The following GRAMD1B variants were observed in gnomAD, a reference collection of about 807,000 sequenced individuals.
GRAMD1B encodes GRAM domain containing 1B.
In GRAMD1B, 37 loss-of-function variants were observed where a neutral mutation model predicts 99.7. The observed-to-expected ratio is 0.37, with a 90% CI of 0.29 to 0.49. The LOEUF is 0.49. Ranked by LOEUF, GRAMD1B falls within the 20% of genes least tolerant of loss-of-function variation. The probability of loss-of-function intolerance (pLI) is 0.98; values close to 1 mark genes in which losing one functional copy is unlikely to be tolerated. For synonymous variants in GRAMD1B, 427 were observed against 387.6 expected (o/e 1.10, Z -1.19); for missense variants, 888 against 1,009.2 (o/e 0.88, Z 1.63).
intron 2 of GRAMD1B, among the ~76,000 whole-genome samples, chr11:123,518,550 T>C (rs1234578075): frequency 6.6e-6 from 1 of 152,180 alleles, no homozygotes; most frequent in Admixed American, 6.5e-5. Flanking sequence ...GATTCTCAGA[T>C]ACGGTGTTTT....
At chr11:123,395,087 C>G (rs147248034) in intron 1 of GRAMD1B, among the ~76,000 whole-genome samples, 188 of 152,290 alleles carry the variant, frequency 1.2e-3, no homozygotes, top group African/African-American at 4.5e-3. Context: ...ATCCCCCCTA[C>G]AAGTTTATAA....
intron 1 of GRAMD1B, among the ~76,000 whole-genome samples, chr11:123,369,882 T>G (rs1946462446): frequency 6.7e-6 from 1 of 149,000 alleles, no homozygotes; most frequent in Non-Finnish European, 1.5e-5. Flanking sequence ...AGACCCTGTC[T>G]CAAAAAAAGG....
At chr11:123,524,207 A>G (rs187732278) in intron 2 of GRAMD1B, among the ~76,000 whole-genome samples, 1 of 152,288 alleles carries the variant, frequency 6.6e-6, no homozygotes, top group Admixed American at 6.5e-5. Context: ...TTGCTGAATG[A>G]CACACAGTCC....
At chr11:123,426,897 T>C (rs1948672705), upstream of GRAMD1B, among the ~76,000 whole-genome samples, 1 of 152,144 alleles carries the variant, frequency 6.6e-6, no homozygotes, top group South Asian at 2.1e-4. Context: ...TAGACAGGTG[T>C]TGGGTGTCTT....
chr11:123,363,702 A>G (rs1946225021), intron 1 of GRAMD1B, among the ~76,000 whole-genome samples: 2 of 152,054 alleles, frequency 1.3e-5, no homozygotes, highest in African/African-American at 4.8e-5. Context: ...CCCTGAGTGG[A>G]AGCCTTGCTT....
At chr11:123,455,239 T>TA (rs1950063045) in intron 1 of GRAMD1B, among the ~76,000 whole-genome samples, 1 of 152,216 alleles carries the variant, frequency 6.6e-6, no homozygotes, top group Non-Finnish European at 1.5e-5. Flanking sequence ...AGAGATTCCT[T>TA]AGGATGAACT....
chr11:123,594,837 TG>T lies in GRAMD1B; in HGVS notation c.873+1del. 6.5e-7 allele frequency: 1 copy of T among 1,543,768 alleles called. No individual in the cohort carries two copies. Among genetic ancestry groups the T allele is most frequent in the Non-Finnish European group, 9.0e-7 (1 of 1,115,880 alleles). On this transcript the variant is annotated frameshift_variant and splice_region_variant, in exon 6 of 20. Coordinates refer to ENST00000635736, the MANE Select transcript of GRAMD1B (RefSeq NM_001387025.1). LOFTEE classifies it high-confidence loss of function. ...AGCAACATCTTCCGCTGGGAAACTC[TG>T]GTAAAGACCTGGGCATGCTCCCTTG... The part of the protein sequence containing the change: ...FYSNIFRWET[L>X]LTVRLKDICS...
At chr11:123,438,428 C>T (rs752429934) in intron 1 of GRAMD1B, among the ~76,000 whole-genome samples, 3 of 151,990 alleles carry the variant, frequency 2.0e-5, no homozygotes, top group Non-Finnish European at 4.4e-5. Flanking sequence ...GGAATGTGGA[C>T]AGTCGGGAGG....
At chr11:123,540,544 A>T (rs2135695139) in intron 2 of GRAMD1B, among the ~76,000 whole-genome samples, 1 of 152,310 alleles carries the variant, frequency 6.6e-6, no homozygotes, top group South Asian at 2.1e-4. Context: ...TTAGTAAATT[A>T]GAATTAACTA....
intron 1 of GRAMD1B, among the ~76,000 whole-genome samples, chr11:123,475,095 C>G (rs1350807436): frequency 6.6e-6 from 1 of 152,194 alleles, no homozygotes; most frequent in African/African-American, 2.4e-5. Context: ...AAAGCCGTGC[C>G]TTTCAGAGGG....
At chr11:123,495,097 C>T (rs1327571220) in intron 2 of GRAMD1B, among the ~76,000 whole-genome samples, 3 of 143,156 alleles carry the variant, frequency 2.1e-5, no homozygotes, top group African/African-American at 2.8e-5. Flanking sequence ...TGAGCACATA[C>T]CATATGTATA....
chr11:123,500,865 G>A (rs1303659266), intron 2 of GRAMD1B, among the ~76,000 whole-genome samples: 1 of 152,054 alleles, frequency 6.6e-6, no homozygotes, highest in East Asian at 1.9e-4. Context: ...GTAGAGACAA[G>A]GTTTCACCAT....
chr11:123,482,234 G>C (rs1951652437), intron 2 of GRAMD1B, among the ~76,000 whole-genome samples: 1 of 152,044 alleles, frequency 6.6e-6, no homozygotes. Flanking sequence ...GAGTAATTGG[G>C]ATTACAGGCA....
intron 1 of GRAMD1B, among the ~76,000 whole-genome samples, chr11:123,439,766 G>A (rs532997681): frequency 3.4e-4 from 52 of 152,206 alleles, no homozygotes; most frequent in African/African-American, 1.2e-3. Context: ...CTCTGCAGCA[G>A]CCTCATTCTT....
intron 2 of GRAMD1B, among the ~76,000 whole-genome samples, chr11:123,499,201 G>C (rs1939603913): frequency 1.3e-5 from 2 of 152,154 alleles, no homozygotes; most frequent in South Asian, 4.1e-4. Context: ...CCCCATGATG[G>C]AACTGGTGGC....
chr11:123,529,997 G>T (rs1471445421), intron 2 of GRAMD1B, among the ~76,000 whole-genome samples: 2 of 152,136 alleles, frequency 1.3e-5, no homozygotes, highest in Non-Finnish European at 2.9e-5. Context: ...AAAAAAAAAG[G>T]TTGAGAGAAA....
Position 123,625,974 on chromosome 11 carries a change from G to GAGAGAGAGAGAGAGAGAA in GRAMD1B, c.*3386_*3387insGAGAGAGAGAAAGAGAGA, listed in dbSNP as rs1396157675. 5.0e-5 allele frequency: 4 copies of GAGAGAGAGAGAGAGAGAA among 80,572 alleles called. No individual in the cohort carries two copies. In the South Asian group the frequency reaches 2.0e-3, roughly 41 times the overall value. 5.0% of individuals were successfully genotyped at this position (80,572 alleles called of 1,614,324 possible). On this transcript the variant is annotated 3_prime_UTR_variant, in exon 20 of 20. Coordinates refer to ENST00000635736, the MANE Select transcript of GRAMD1B (RefSeq NM_001387025.1). Reference sequence around the variant, plus strand: ...AGAGAGAGAGAGAGAGAGAGAGAGAGAGAGAGATCGAGCTTGATGTATTGC... The same window carrying GAGAGAGAGAGAGAGAGAA: ...AGAGAGAGAGAGAGAGAGAGAGAGAGAGAGAGAGAGAGAGAGAAAGAGAGATCGAGCTTGATGTATTGC...
In GRAMD1B at chr11:123,577,441, C is replaced by G; in HGVS notation, c.527C>G (p.Pro176Arg). The G allele has an allele frequency of 1.2e-6, 2 of 1,603,020 alleles. No homozygotes were observed. Among genetic ancestry groups the G allele is most frequent in the East Asian group, 2.3e-5 (1 of 44,188 alleles). The change falls in exon 3 of 20, where the codon CCG (proline) becomes CGG (arginine). Residue 176 changes from proline to arginine, a missense_variant. Pro to Arg is a moderately radical substitution (Grantham distance 103). This residue lies in a region of GRAMD1B where 233 missense variants were observed against 154.6 expected (regional missense o/e 1.51). Coordinates refer to ENST00000635736, the MANE Select transcript of GRAMD1B (RefSeq NM_001387025.1). The part of the protein sequence containing the change: ...ILRKRSRSPT[P>R]QNQDGDTMVE... ...CGGAAGCGGTCTCGCTCGCCAACCC[C>G]GCAGAACCAGGACGGAGACACCATG...
intron 2 of GRAMD1B, among the ~76,000 whole-genome samples, chr11:123,558,984 T>C (rs572033255): frequency 1.1e-4 from 17 of 152,194 alleles, no homozygotes; most frequent in Non-Finnish European, 2.1e-4. Flanking sequence ...CATCAATGGA[T>C]TGTAATTATT....
Sources: allele counts gnomAD v4.1 joint callset (sites outside exome capture counted in the v4.1 genomes callset), GRCh38; gene constraint gnomAD v4.1.1; regional missense constraint gnomAD v4.1.1; transcripts MANE v1.5; gene names NCBI Gene and HGNC (gene_info 2026-07-23, HGNC 2026-07-21).